The following FBXL20 variants were observed in gnomAD, a reference collection of about 807,000 sequenced individuals.
FBXL20 encodes the protein F-box/LRR-repeat protein 20.
A neutral mutation model predicts 64.0 loss-of-function variants in FBXL20; 11 were observed. The observed-to-expected ratio is 0.17, with a 90% CI of 0.11 to 0.28. The LOEUF (loss-of-function observed/expected upper bound fraction) is 0.28. Ranked by LOEUF, FBXL20 falls within the 10% of genes least tolerant of loss-of-function variation. The probability of loss-of-function intolerance (pLI) is 1.00; values close to 1 mark genes in which losing one functional copy is unlikely to be tolerated. For synonymous variants in FBXL20, 184 were observed against 189.0 expected, an observed-to-expected ratio of 0.97 and a Z score of 0.22; for missense variants, 303 against 526.2, an observed-to-expected ratio of 0.58 and a Z score of 4.15.
intron 1 of FBXL20, among the ~76,000 whole-genome samples, chr17:39,352,349 C>A (rs2047695405): frequency 6.6e-6 from 1 of 151,428 alleles, no homozygotes; most frequent in South Asian, 2.1e-4. Flanking sequence ...GGCAAGATCG[C>A]GAGACCCCAT....
chr17:39,355,739 CAGCTA>C (rs1280966476), intron 1 of FBXL20, among the ~76,000 whole-genome samples: 1 of 150,950 alleles, frequency 6.6e-6, no homozygotes, highest in Non-Finnish European at 1.5e-5. Flanking sequence ...CCTGTAATTC[CAGCTA>C]CTTGGGAGGC....
At chr17:39,298,386 C>A (rs1045111706) in intron 5 of FBXL20, among the ~76,000 whole-genome samples, 10 of 152,180 alleles carry the variant, frequency 6.6e-5, no homozygotes, top group East Asian at 1.9e-4. Flanking sequence ...CTCCCAAAGT[C>A]CTGGGGTCAC....
intron 2 of FBXL20, among the ~76,000 whole-genome samples, chr17:39,326,670 T>C (rs2047412225): frequency 6.6e-6 from 1 of 151,424 alleles, no homozygotes; most frequent in Admixed American, 6.6e-5. Flanking sequence ...CAGGCTGGAG[T>C]GCAGTGATGC....
At chr17:39,285,616 A>G in intron 6 of FBXL20, 43 bp from the exon 7 acceptor site, 1 of 1,304,028 alleles carries the variant, frequency 7.7e-7, no homozygotes, top group Non-Finnish European at 1.1e-6. Flanking sequence ...AAACAAGACA[A>G]GTACACATCC....
intron 1 of FBXL20, among the ~76,000 whole-genome samples, chr17:39,349,672 C>T (rs1008890640): frequency 1.3e-5 from 2 of 152,136 alleles, no homozygotes; most frequent in Non-Finnish European, 2.9e-5. Flanking sequence ...CGTAGTGGCT[C>T]ACGCCTGTAA....
intron 1 of FBXL20, among the ~76,000 whole-genome samples, chr17:39,366,935 G>A (rs557861502): frequency 6.7e-6 from 1 of 149,934 alleles, no homozygotes; most frequent in Admixed American, 6.7e-5. Context: ...CCAGGCTGGA[G>A]TGCAGTGGCA....
At chr17:39,340,249 AC>A (rs1821115305) in intron 2 of FBXL20, among the ~76,000 whole-genome samples, 1 of 152,144 alleles carries the variant, frequency 6.6e-6, no homozygotes, top group Non-Finnish European at 1.5e-5. Context: ...GGCATGTGCC[AC>A]CATGCCAGGC....
chr17:39,297,483 C>A, intron 5 of FBXL20: 1 of 189,322 alleles, frequency 5.3e-6, no homozygotes. Context: ...TTTGCACCAA[C>A]CTAATATAAT....
intron 1 of FBXL20, among the ~76,000 whole-genome samples, chr17:39,382,009 C>G (rs183784595): frequency 6.7e-6 from 1 of 148,580 alleles, no homozygotes; most frequent in East Asian, 2.0e-4. Context: ...AGGAGAATCA[C>G]TTGAACCTGG....
chr17:39,294,547 G>T (rs1014997495), intron 6 of FBXL20, among the ~76,000 whole-genome samples: 1 of 152,068 alleles, frequency 6.6e-6, no homozygotes, highest in African/African-American at 2.4e-5. Flanking sequence ...GATTACAGGA[G>T]TGAGCCACAG....
At chr17:39,371,203 T>G (rs2047915195) in intron 1 of FBXL20, among the ~76,000 whole-genome samples, 1 of 151,948 alleles carries the variant, frequency 6.6e-6, no homozygotes, top group African/African-American at 2.4e-5. Flanking sequence ...AAACTCCACC[T>G]CAAAGAAAAA....
rs548091949 is a variant in FBXL20, at chr17:39,331,600, T to C, written c.104+11580A>G. On this transcript the variant is annotated intron_variant, in intron 2 of 14. Coordinates refer to ENST00000264658, the MANE Select transcript of FBXL20 (RefSeq NM_032875.3). ...CATGCCTGTTCTCTCTACTGCCCTG[T>C]GAGCTCCTTGAGGACAGTGATTGTT... is the stretch of plus-strand genomic sequence containing the variant. 6.6e-5 allele frequency among the ~76,000 whole-genome samples: 10 copies of C among 152,308 alleles called. No individual in the cohort carries two copies. In the South Asian group the frequency reaches 1.9e-3, roughly 28 times the overall value.
chr17:39,389,104 CAAAAA>C (rs752930971), intron 1 of FBXL20, among the ~76,000 whole-genome samples: 1 of 52,696 alleles, frequency 1.9e-5, no homozygotes, highest in Non-Finnish European at 3.9e-5. Context: ...AACTCCATCT[CAAAAA>C]AAAAAAAAAA....
chr17:39,379,874 G>A (rs1191624225), intron 1 of FBXL20, among the ~76,000 whole-genome samples: 1 of 152,128 alleles, frequency 6.6e-6, no homozygotes, highest in Non-Finnish European at 1.5e-5. Flanking sequence ...AGTTACTCAG[G>A]AGGCTGAGGT....
At chr17:39,290,078 TTTCTC>T (rs1257888697) in intron 6 of FBXL20, among the ~76,000 whole-genome samples, 1 of 152,028 alleles carries the variant, frequency 6.6e-6, no homozygotes, top group Admixed American at 6.6e-5. Context: ...AAAATTTTCT[TTTCTC>T]TAATTTTTGT....
chr17:39,383,735 G>T (rs970222717), intron 1 of FBXL20, among the ~76,000 whole-genome samples: 1 of 151,488 alleles, frequency 6.6e-6, no homozygotes, highest in African/African-American at 2.4e-5. Context: ...GATTACAGGC[G>T]CATGTCACCA....
chr17:39,401,662 C>T (rs1389044637), upstream of FBXL20: 2 of 1,336,246 alleles, frequency 1.5e-6, no homozygotes, highest in East Asian at 3.3e-5. Context: ...AAAACACTCC[C>T]CACCTGCCAG....
chr17:39,363,883 C>CTTTTTTTTTTTTT (rs71147324), intron 1 of FBXL20, among the ~76,000 whole-genome samples: 1 of 48,670 alleles, frequency 2.1e-5, no homozygotes, highest in African/African-American at 9.1e-5. Context: ...TGAATCATAT[C>CTTTTTTTTTTTTT]TTTTTTTTTT....
chr17:39,369,791 C>T (rs1420655908), intron 1 of FBXL20, among the ~76,000 whole-genome samples: 2 of 152,170 alleles, frequency 1.3e-5, no homozygotes, highest in Non-Finnish European at 2.9e-5. Flanking sequence ...ATGTGGTCCA[C>T]ACCCCACTAC....
Sources: gnomAD v4.1 joint callset for allele counts (sites outside exome capture counted in the v4.1 genomes callset) on GRCh38, gnomAD v4.1.1 for gene constraint, MANE v1.5 for transcripts, NCBI Gene and HGNC (gene_info 2026-07-23, HGNC 2026-07-21) for gene names.